The following PPP2CA variants were observed in gnomAD, a reference collection of about 807,000 sequenced individuals.
PPP2CA encodes serine/threonine-protein phosphatase 2A catalytic subunit alpha isoform.
In PPP2CA, 5 loss-of-function variants were observed where a neutral mutation model predicts 38.8. The ratio of observed to expected loss-of-function variants is 0.13; its 90% CI spans 0.07 to 0.27. The LOEUF is 0.27. PPP2CA is among the 10% of genes least tolerant of loss of function. The pLI, the probability that PPP2CA is intolerant of heterozygous loss-of-function variation, is 1.00. For missense variants in PPP2CA, 88 were observed against 389.7 expected, an observed-to-expected ratio of 0.23 and a Z score of 6.52; for synonymous variants, 152 against 134.0, an observed-to-expected ratio of 1.13 and a Z score of -0.93.
At chr5:134,214,478 A>G (rs539730903) in intron 1 of PPP2CA, among the ~76,000 whole-genome samples, 2 of 152,308 alleles carry the variant, frequency 1.3e-5, no homozygotes, top group South Asian at 4.1e-4. Flanking sequence ...TTTGTTTCAT[A>G]TGTACTATAA....
intron 1 of PPP2CA, among the ~76,000 whole-genome samples, chr5:134,214,173 T>G (rs564115913): frequency 2.7e-4 from 41 of 152,284 alleles, no homozygotes; most frequent in Non-Finnish European, 5.4e-4. Flanking sequence ...AAGGTTAAGA[T>G]TTCACTGAAA....
Position 134,196,521 on chromosome 5 carries a change from ATCAC to A in PPP2CA, c.*1247_*1250del, listed in dbSNP as rs1761853609. ...TAGTTTTCTATTTGGTTTCACTAGTATCACTCAAAGAACTTGACACAGGCTAATG... is the reference window on the plus strand; with the variant it reads ...TAGTTTTCTATTTGGTTTCACTAGTATCAAAGAACTTGACACAGGCTAATG... On this transcript the variant is annotated 3_prime_UTR_variant, in exon 7 of 7. Transcript: ENST00000481195. The A allele has an allele frequency of 6.6e-6, 1 of 152,236 alleles. No individual in the cohort carries two copies. The highest frequency in any genetic ancestry group is 1.5e-5 in the Non-Finnish European group (1 of 68,030). 9.4% of individuals were successfully genotyped at this position (152,236 alleles called of 1,614,324 possible).
intron 1 of PPP2CA, among the ~76,000 whole-genome samples, chr5:134,210,522 G>GA (rs900856386): frequency 6.6e-6 from 1 of 152,080 alleles, no homozygotes; most frequent in Non-Finnish European, 1.5e-5. Context: ...CAACATCTGG[G>GA]AAAAAAATTA....
At chr5:134,199,766 ACT>A (rs1203456503) in intron 5 of PPP2CA, among the ~76,000 whole-genome samples, 1 of 120,056 alleles carries the variant, frequency 8.3e-6, no homozygotes, top group Non-Finnish European at 1.7e-5. Context: ...TACTTTTGTT[ACT>A]TTTTGTTTAG....
At chr5:134,212,281 GT>G (rs1762220279) in intron 1 of PPP2CA, among the ~76,000 whole-genome samples, 1 of 152,174 alleles carries the variant, frequency 6.6e-6, no homozygotes, top group Non-Finnish European at 1.5e-5. Context: ...CCACCAGCAT[GT>G]GCTCACTTCT....
chr5:134,216,665 G>A (rs562495394), intron 1 of PPP2CA, among the ~76,000 whole-genome samples: 2 of 151,074 alleles, frequency 1.3e-5, no homozygotes, highest in Admixed American at 6.6e-5. Flanking sequence ...CTTAACTAAA[G>A]AAACCTGTTT....
chr5:134,201,488 A>G lies in PPP2CA; in HGVS notation c.486+360T>C, dbSNP rs573611755. 9.2e-5 allele frequency among the ~76,000 whole-genome samples: 14 copies of G among 152,326 alleles called. No homozygotes were observed. The South Asian group carries it at 2.9e-3, about 32-fold the overall frequency. On this transcript the variant is annotated intron_variant, in intron 3 of 6. Transcript: ENST00000481195. ...CTCCTGCCCTTTGCCAGAGACTAGT[A>G]TCTTCATACTCATAAAATTTTATTG...
chr5:134,202,566 T>C (rs1324210006), intron 2 of PPP2CA: 3 of 152,776 alleles, frequency 2.0e-5, no homozygotes, highest in African/African-American at 7.2e-5. Context: ...TTTGTTCCTT[T>C]TCATAGTTGC....
intron 1 of PPP2CA, among the ~76,000 whole-genome samples, chr5:134,206,939 T>G (rs1291520442): frequency 2.0e-5 from 3 of 152,162 alleles, no homozygotes; most frequent in Non-Finnish European, 4.4e-5. Context: ...AAGCCAAAAG[T>G]ACACTGTGTT....
chr5:134,200,939 T>G (rs775410673), intron 4 of PPP2CA, 46 bp downstream of exon 4: 1 of 1,436,936 alleles, frequency 7.0e-7, no homozygotes, highest in Admixed American at 1.7e-5. Context: ...ACTTCTCCAC[T>G]CCCTAATAAG....
At chr5:134,207,125 C>A (rs1394474203) in intron 1 of PPP2CA, among the ~76,000 whole-genome samples, 2 of 152,200 alleles carry the variant, frequency 1.3e-5, no homozygotes, top group Admixed American at 1.3e-4. Flanking sequence ...AATGCCCAGC[C>A]AGGCGCGGTG....
chr5:134,201,221 G>C (rs1177689378), intron 3 of PPP2CA, 147 bp from the exon 4 acceptor site: 3 of 626,002 alleles, frequency 4.8e-6, no homozygotes, highest in Non-Finnish European at 8.5e-6. Flanking sequence ...AGACCAACCT[G>C]AGCAACACAG....
At chr5:134,223,489 C>T (rs921001497) in intron 1 of PPP2CA, among the ~76,000 whole-genome samples, 1 of 152,166 alleles carries the variant, frequency 6.6e-6, no homozygotes, top group Non-Finnish European at 1.5e-5. Flanking sequence ...TAATGATATC[C>T]ACCAAAACGG....
chr5:134,221,047 G>A (rs1762430201), intron 1 of PPP2CA, among the ~76,000 whole-genome samples: 1 of 152,150 alleles, frequency 6.6e-6, no homozygotes, highest in Non-Finnish European at 1.5e-5. Flanking sequence ...TCCTGCCTAG[G>A]AGACCATGAA....
In PPP2CA at chr5:134,197,631, A is replaced by G. The variant is rs1040500558; in HGVS notation, c.*141T>C. ...ATGACAAGAGGCTTTGTATTTTTAT[A>G]TGGCACATCTTTTGGTCCATGTGAA... On this transcript the variant is annotated 3_prime_UTR_variant, in exon 7 of 7. Transcript: ENST00000481195. The G allele has an allele frequency of 9.1e-6, 6 of 658,932 alleles. No homozygotes were observed. In the African/African-American group the frequency reaches 1.1e-4, roughly 12 times the overall value. The allele number at this position is 658,932 out of a possible 1,614,324, so 40.8% of individuals were successfully genotyped here. A position where few individuals can be genotyped will look rare whatever the true frequency, so the allele number is the denominator to read the frequency against.
At chr5:134,198,588 C>T (rs1389370185) in intron 6 of PPP2CA, among the ~76,000 whole-genome samples, 1 of 151,748 alleles carries the variant, frequency 6.6e-6, no homozygotes, top group Non-Finnish European at 1.5e-5. Context: ...TTTTTTGAGA[C>T]GAAGTCTCGC....
chr5:134,217,487 A>G (rs1417638926), intron 1 of PPP2CA, among the ~76,000 whole-genome samples: 1 of 152,238 alleles, frequency 6.6e-6, no homozygotes, highest in African/African-American at 2.4e-5. Flanking sequence ...AAAATTCTTA[A>G]TAAGTAAAAT....
chr5:134,211,135 C>G (rs1762195965), intron 1 of PPP2CA, among the ~76,000 whole-genome samples: 1 of 151,576 alleles, frequency 6.6e-6, no homozygotes, highest in Non-Finnish European at 1.5e-5. Context: ...GCTCTGTTGT[C>G]CAGGCTGCAG....
intron 1 of PPP2CA, among the ~76,000 whole-genome samples, chr5:134,213,095 T>C (rs1762240063): frequency 6.6e-6 from 1 of 152,228 alleles, no homozygotes; most frequent in Non-Finnish European, 1.5e-5. Flanking sequence ...CAACAGGTTT[T>C]CAATGTAGAC....
Sources: allele counts gnomAD v4.1 joint callset (sites outside exome capture counted in the v4.1 genomes callset), GRCh38; gene constraint gnomAD v4.1.1; transcripts MANE v1.5; gene names NCBI Gene and HGNC (gene_info 2026-07-23, HGNC 2026-07-21).